The following EVA1A variants were observed in gnomAD, a reference collection of about 807,000 sequenced individuals.
EVA1A encodes the protein eva-1 homolog A, regulator of programmed cell death.
Under a neutral mutation model 9.8 loss-of-function variants are expected in EVA1A, and 7 were observed. That is an observed-to-expected ratio of 0.71 (90% CI 0.41 to 1.34). The LOEUF is 1.34. EVA1A is among the 40% of genes most tolerant of loss of function. The pLI, the probability that EVA1A is intolerant of heterozygous loss-of-function variation, is 0.01. For missense variants in EVA1A, 206 were observed against 205.9 expected (o/e 1.00, Z 0.00); for synonymous variants, 90 against 85.6 (o/e 1.05, Z -0.28).
At chr2:75,538,796 T>C (rs1277034879) in intron 1 of EVA1A, among the ~76,000 whole-genome samples, 1 of 152,204 alleles carries the variant, frequency 6.6e-6, no homozygotes, top group Non-Finnish European at 1.5e-5. Flanking sequence ...ATGACAAAAT[T>C]ATAGAAATAG....
intron 3 of EVA1A, among the ~76,000 whole-genome samples, chr2:75,508,268 T>C (rs1451970811): frequency 2.6e-5 from 4 of 152,230 alleles, no homozygotes; most frequent in Non-Finnish European, 5.9e-5. Flanking sequence ...CCTGAAACTC[T>C]GACTGCCGGT....
rs147847809 is a variant in EVA1A at position 75,493,544 on chromosome 2, C to G, written c.151G>C (p.Ala51Pro). ...GVCIGLVLTL[A>P]ALVIRISCHT... is the part of the protein sequence containing the mutation. ...CAAGAGATCCTTATCACCAGAGCAG[C>G]CAGGGTCAGCACCAGCCCGATGCAC... Residue 51 changes from alanine to proline, a missense_variant, in exon 4 of 4, where the codon GCT (alanine) becomes CCT (proline). Physicochemically the swap from Ala to Pro is conservative, Grantham distance 27. Coordinates refer to ENST00000393913, the MANE Select transcript of EVA1A (RefSeq NM_001135032.2). The G allele has an allele frequency of 6.2e-7, 1 of 1,614,090 alleles. No homozygotes were observed. The highest frequency in any genetic ancestry group is 8.5e-7 in the Non-Finnish European group (1 of 1,179,990).
intron 1 of EVA1A, among the ~76,000 whole-genome samples, chr2:75,549,688 T>C (rs1159539264): frequency 6.6e-6 from 1 of 152,194 alleles, no homozygotes; most frequent in Non-Finnish European, 1.5e-5. Flanking sequence ...ACCTGAAGGC[T>C]CAAGATCAAA....
intron 3 of EVA1A, among the ~76,000 whole-genome samples, chr2:75,495,481 G>A (rs570013806): frequency 6.6e-6 from 1 of 152,162 alleles, no homozygotes; most frequent in African/African-American, 2.4e-5. Context: ...GCTTGTTCCA[G>A]GTCACGCTCA....
chr2:75,492,579 C>T lies in EVA1A; in HGVS notation c.*657G>A, dbSNP rs550112654. The T allele has an allele frequency of 6.6e-6, 1 of 152,566 alleles. No individual in the cohort carries two copies. The highest frequency in any genetic ancestry group is 1.5e-5 in the Non-Finnish European group (1 of 68,018). 9.5% of individuals were successfully genotyped at this position (152,566 alleles called of 1,614,324 possible). A position where few individuals can be genotyped will look rare whatever the true frequency, so the allele number is the denominator to read the frequency against. On this transcript the variant is annotated 3_prime_UTR_variant, in exon 4 of 4. Coordinates refer to ENST00000393913, the MANE Select transcript of EVA1A (RefSeq NM_001135032.2). ...TAAACTATTTAAAATAAAAACCCTT[C>T]ATCCTTTGAGGTTATTGACATTTTC...
At chr2:75,502,029 C>T (rs184948181) in intron 3 of EVA1A, among the ~76,000 whole-genome samples, 11 of 152,304 alleles carry the variant, frequency 7.2e-5, no homozygotes, top group South Asian at 2.1e-4. Flanking sequence ...AAAGATGACA[C>T]GACAGAGAAA....
intron 1 of EVA1A, among the ~76,000 whole-genome samples, chr2:75,545,261 A>G (rs1341936451): frequency 6.6e-6 from 1 of 152,222 alleles, no homozygotes; most frequent in Non-Finnish European, 1.5e-5. Context: ...GGGTGAGAGT[A>G]ATTCAACCAC....
intron 1 of EVA1A, among the ~76,000 whole-genome samples, chr2:75,545,067 AC>A (rs1676279974): frequency 6.6e-6 from 1 of 152,254 alleles, no homozygotes; most frequent in South Asian, 2.1e-4. Context: ...AATATATATA[AC>A]AAAATGTTGG....
At chr2:75,507,722 T>G (rs1466858603) in intron 3 of EVA1A, among the ~76,000 whole-genome samples, 1 of 152,122 alleles carries the variant, frequency 6.6e-6, no homozygotes, top group Non-Finnish European at 1.5e-5. Flanking sequence ...AGAATTGTCT[T>G]GAGATGGGAC....
At chr2:75,499,402 A>AG (rs1282812322) in intron 3 of EVA1A, among the ~76,000 whole-genome samples, 3 of 152,246 alleles carry the variant, frequency 2.0e-5, no homozygotes, top group Non-Finnish European at 4.4e-5. Flanking sequence ...GAGAAAAGTC[A>AG]GTGGGCACAG....
intron 1 of EVA1A, among the ~76,000 whole-genome samples, chr2:75,527,417 C>T (rs6736112): frequency 0.053 from 8,039 of 152,240 alleles, 660 homozygotes; most frequent in African/African-American, 0.18. Context: ...CTAGATCCTC[C>T]TCCCCCTCCC....
chr2:75,512,695 G>T (rs1272975193), intron 3 of EVA1A, among the ~76,000 whole-genome samples: 1 of 152,112 alleles, frequency 6.6e-6, no homozygotes, highest in Non-Finnish European at 1.5e-5. Context: ...TTCCTTGCCT[G>T]CCTCTGCTCT....
intron 3 of EVA1A, among the ~76,000 whole-genome samples, chr2:75,500,540 AG>A (rs1674377479): frequency 6.6e-6 from 1 of 152,206 alleles, no homozygotes; most frequent in Non-Finnish European, 1.5e-5. Flanking sequence ...TTGAGGGGAA[AG>A]GAGGAAATTC....
At chr2:75,564,022 A>G (rs115359745), upstream of EVA1A, among the ~76,000 whole-genome samples, 2,438 of 152,326 alleles carry the variant, frequency 0.016, 67 homozygotes, top group African/African-American at 0.056. Context: ...TTCCATTTCT[A>G]GGGAGACATA....
At chr2:75,498,682 C>T (rs1429090533) in intron 3 of EVA1A, among the ~76,000 whole-genome samples, 1 of 152,018 alleles carries the variant, frequency 6.6e-6, no homozygotes, top group Non-Finnish European at 1.5e-5. Flanking sequence ...AATGTCTCAC[C>T]ATTAGATTGA....
At chr2:75,559,350 A>AGCATCCCT (rs1676833390) in intron 1 of EVA1A, among the ~76,000 whole-genome samples, 1 of 152,200 alleles carries the variant, frequency 6.6e-6, no homozygotes, top group Non-Finnish European at 1.5e-5. Flanking sequence ...TTTAAGCCCT[A>AGCATCCCT]GCATCCCTGC....
chr2:75,550,196 G>A (rs1676472769), intron 1 of EVA1A, among the ~76,000 whole-genome samples: 1 of 152,126 alleles, frequency 6.6e-6, no homozygotes, highest in Non-Finnish European at 1.5e-5. Flanking sequence ...AAATGGCAGT[G>A]GTCAAATCCT....
chr2:75,537,317 C>T (rs1361458880), intron 1 of EVA1A, among the ~76,000 whole-genome samples: 1 of 152,144 alleles, frequency 6.6e-6, no homozygotes, highest in Non-Finnish European at 1.5e-5. Flanking sequence ...ATTGCCTCAA[C>T]TTGATAAAGA....
intron 3 of EVA1A, among the ~76,000 whole-genome samples, chr2:75,496,900 T>A (rs967457090): frequency 6.6e-6 from 1 of 152,244 alleles, no homozygotes; most frequent in Non-Finnish European, 1.5e-5. Flanking sequence ...TATAGCCATC[T>A]GATCTTTGAC....
Sources: allele counts gnomAD v4.1 joint callset (sites outside exome capture counted in the v4.1 genomes callset), GRCh38; gene constraint gnomAD v4.1.1; transcripts MANE v1.5; gene names NCBI Gene and HGNC (gene_info 2026-07-23, HGNC 2026-07-21).